The following CHM variants were observed in gnomAD, a reference collection of about 807,000 sequenced individuals.
CHM encodes the protein CHM Rab escort protein, also known as rab proteins geranylgeranyltransferase component A 1.
CHM carries 10 observed loss-of-function variants against 49.0 expected under a neutral mutation model. That is an observed-to-expected ratio of 0.20 (90% CI 0.13 to 0.35). The LOEUF (loss-of-function observed/expected upper bound fraction) is 0.35. Among genes scored for constraint, CHM ranks in the 10% least tolerant of loss-of-function variants. The probability of loss-of-function intolerance (pLI) is 1.00; values close to 1 mark genes in which losing one functional copy is unlikely to be tolerated. For missense variants in CHM, 455 were observed against 478.4 expected (o/e 0.95, Z 0.46); for synonymous variants, 184 against 167.5 (o/e 1.10, Z -0.76).
chrX:85,998,079 T>A (rs1039325916), intron 2 of CHM, among the ~76,000 whole-genome samples: 7 of 112,078 alleles, frequency 6.2e-5, no homozygotes, highest in African/African-American at 1.6e-4. Context: ...GGGATGAATT[T>A]TCTTTATACA....
At chrX:86,037,774 T>A (rs911218504) in intron 1 of CHM, among the ~76,000 whole-genome samples, 3 of 111,384 alleles carry the variant, frequency 2.7e-5, no homozygotes, top group Non-Finnish European at 5.7e-5. Flanking sequence ...TATAAACTAT[T>A]TTTTTTAATG....
intron 11 of CHM, among the ~76,000 whole-genome samples, chrX:85,898,690 A>G (rs1374931671): frequency 1.8e-5 from 2 of 111,957 alleles, no homozygotes; most frequent in Non-Finnish European, 3.8e-5. Context: ...CAGACAATAA[A>G]CCAGTAATTG....
At chrX:85,984,045 GA>G (rs1217784302) in intron 2 of CHM, among the ~76,000 whole-genome samples, 47 of 108,829 alleles carry the variant, frequency 4.3e-4, no homozygotes, top group Middle Eastern at 4.7e-3. Flanking sequence ...CTACTAAACA[GA>G]AAAAAATTAG....
intron 4 of CHM, among the ~76,000 whole-genome samples, chrX:85,964,425 T>C (rs1168578101): frequency 9.1e-6 from 1 of 110,094 alleles, no homozygotes; most frequent in Non-Finnish European, 1.9e-5. Context: ...GGTAATTACC[T>C]AAATTACCCT....
At chrX:85,887,894 G>C (rs146885924) in intron 12 of CHM, among the ~76,000 whole-genome samples, 2,427 of 111,712 alleles carry the variant, frequency 0.022, 68 homozygotes, top group African/African-American at 0.075. Flanking sequence ...AAGCAGCAAA[G>C]CATTCAAGAG....
intron 7 of CHM, 147 bp from the exon 8 acceptor site, chrX:85,956,525 G>GA (rs1930017064): frequency 6.6e-6 from 5 of 762,708 alleles, no homozygotes; most frequent in Non-Finnish European, 9.0e-6. Context: ...TTGATCTTAG[G>GA]AAAAAATGGA....
intron 8 of CHM, among the ~76,000 whole-genome samples, chrX:85,914,189 A>G (rs1461155118): frequency 9.0e-6 from 1 of 110,799 alleles, no homozygotes; most frequent in Admixed American, 9.6e-5. Context: ...TGGAGCCCAG[A>G]AGGTTTGGCA....
chrX:85,900,758 T>C (rs1259751233), intron 10 of CHM, 49 bp from the exon 11 acceptor site: 1 of 938,701 alleles, frequency 1.1e-6, no homozygotes, highest in Admixed American at 2.3e-5. Flanking sequence ...CATGGATAAG[T>C]TTCGTTTATA....
rs1166759752 is a variant in CHM at position 85,949,340 on chromosome X, A to C, written c.1166+6813T>G. Among the ~76,000 whole-genome samples, 3 of 112,076 alleles carry C rather than the reference A, an allele frequency of 2.7e-5. No individual in the cohort carries two copies. The East Asian group carries it at 8.4e-4, about 31-fold the overall frequency. On this transcript the variant is annotated intron_variant, in intron 8 of 14. Coordinates refer to ENST00000357749, the MANE Select transcript of CHM (RefSeq NM_000390.4). ...AGAAATAGAGGGATTTAGTGGAAAA[A>C]AGAGAAATAGGGCTAAACATTCCAT...
chrX:85,893,381 C>G (rs752467467), intron 12 of CHM, among the ~76,000 whole-genome samples: 1 of 111,799 alleles, frequency 8.9e-6, no homozygotes, highest in South Asian at 3.7e-4. Flanking sequence ...TAGTCCTTAA[C>G]TTTAGTCTCA....
At chrX:85,958,174 C>A (rs1189391709) in intron 6 of CHM, among the ~76,000 whole-genome samples, 199 bp from the exon 7 acceptor site, 1 of 111,891 alleles carries the variant, frequency 8.9e-6, no homozygotes, top group Non-Finnish European at 1.9e-5. Context: ...TTAATTCTGC[C>A]AAGTTACTCC....
At chrX:85,898,442 G>A (rs990713394) in intron 11 of CHM, among the ~76,000 whole-genome samples, 3 of 110,994 alleles carry the variant, frequency 2.7e-5, no homozygotes, top group South Asian at 3.8e-4. Flanking sequence ...TTCTTACTTC[G>A]TTATCTTCAA....
At chrX:85,924,647 G>A (rs1927980174) in intron 8 of CHM, among the ~76,000 whole-genome samples, 1 of 111,660 alleles carries the variant, frequency 9.0e-6, no homozygotes, top group Non-Finnish European at 1.9e-5. Flanking sequence ...CAAGGAACAG[G>A]TTAGTTTCTG....
At chrX:85,986,572 G>A (rs1006409674) in intron 2 of CHM, among the ~76,000 whole-genome samples, 7 of 111,808 alleles carry the variant, frequency 6.3e-5, no homozygotes, top group African/African-American at 2.3e-4. Flanking sequence ...ACTAACATAC[G>A]TACCTCTCTT....
intron 8 of CHM, among the ~76,000 whole-genome samples, chrX:85,940,356 C>T (rs942513726): frequency 8.9e-6 from 1 of 111,752 alleles, no homozygotes; most frequent in Admixed American, 9.5e-5. Context: ...TTTGAGGTTA[C>T]TTGTTAAAGA....
intron 8 of CHM, among the ~76,000 whole-genome samples, chrX:85,933,027 G>C (rs1458873175): frequency 9.0e-6 from 1 of 110,973 alleles, no homozygotes; most frequent in Admixed American, 9.7e-5. Context: ...TTAGGCATTT[G>C]AGACCAGCCT....
intron 9 of CHM, 127 bp downstream of exon 9, chrX:85,911,134 T>TG (rs1223929499): frequency 1.4e-4 from 1 of 7,135 alleles, no homozygotes; most frequent in East Asian, 0.01. Context: ...TATATGTATA[T>TG]ATATATATAT....
At chrX:85,871,542 TA>T (rs771906454) in intron 14 of CHM, among the ~76,000 whole-genome samples, 1 of 110,271 alleles carries the variant, frequency 9.1e-6, no homozygotes, top group Non-Finnish European at 1.9e-5. Context: ...GTAGACATTA[TA>T]ATATTTCCCC....
chrX:85,913,660 T>C (rs1343718815), intron 8 of CHM, among the ~76,000 whole-genome samples: 1 of 111,032 alleles, frequency 9.0e-6, no homozygotes, highest in Non-Finnish European at 1.9e-5. Context: ...AAATTTGTGT[T>C]GTTATAAGCT....
Sources: allele counts gnomAD v4.1 joint callset (sites outside exome capture counted in the v4.1 genomes callset), GRCh38; gene constraint gnomAD v4.1.1; transcripts MANE v1.5; gene names NCBI Gene and HGNC (gene_info 2026-07-23, HGNC 2026-07-21).